The following NR3C1 variants were observed in gnomAD, a reference collection of about 807,000 sequenced individuals.
NR3C1 encodes the protein glucocorticoid receptor.
Under a neutral mutation model 74.0 loss-of-function variants are expected in NR3C1, and 14 were observed. That is an observed-to-expected ratio of 0.19 (90% CI 0.12 to 0.30). The LOEUF (loss-of-function observed/expected upper bound fraction) is 0.30, where lower values mean the gene tolerates loss of function less well. Among genes scored for constraint, NR3C1 ranks in the 10% least tolerant of loss-of-function variants. The pLI, the probability that NR3C1 is intolerant of heterozygous loss-of-function variation, is 1.00. For synonymous variants in NR3C1, 308 were observed against 332.5 expected (o/e 0.93, Z 0.80); for missense variants, 695 against 909.8 (o/e 0.76, Z 3.04).
At chr5:143,367,689 C>T (rs979234048) in intron 2 of NR3C1, among the ~76,000 whole-genome samples, 22 of 151,958 alleles carry the variant, frequency 1.4e-4, no homozygotes, top group Admixed American at 7.9e-4. Context: ...TAAATTTAAT[C>T]GAAGTACAAG....
chr5:143,373,767 T>C (rs529430928), intron 2 of NR3C1, among the ~76,000 whole-genome samples: 7 of 152,212 alleles, frequency 4.6e-5, no homozygotes, highest in African/African-American at 9.6e-5. Flanking sequence ...AGTATAGTCC[T>C]GCAGATGGGA....
rs753933987 is a variant in NR3C1, at chr5:143,393,334, T to A, written c.1184+6322A>T. On this transcript the variant is annotated intron_variant, in intron 2 of 8. Coordinates refer to ENST00000394464, the MANE Select transcript of NR3C1 (RefSeq NM_000176.3). ...TCATCAAATTGACGGGTTAAAAGGA[T>A]TGTGGAATTTTAGAAACACACACAC... 1.3e-5 allele frequency among the ~76,000 whole-genome samples: 2 copies of A among 152,152 alleles called. 1 individual carries two copies. Among genetic ancestry groups the A allele is most frequent in the Non-Finnish European group, 2.9e-5 (2 of 68,004 alleles).
rs1354882725 is a variant in NR3C1, at chr5:143,403,537, G to C, written c.-340C>G. On this transcript the variant is annotated 5_prime_UTR_variant, in exon 1 of 9. Coordinates refer to ENST00000394464, the MANE Select transcript of NR3C1 (RefSeq NM_000176.3). ...CCTTCCACCCACAGAATCCGTCCCC[G>C]ACGGGCAGGCGGTGACTCGGGCTCC... The C allele has an allele frequency of 3.0e-6, 3 of 985,480 alleles. No homozygotes were observed. Among genetic ancestry groups the C allele is most frequent in the Non-Finnish European group, 3.6e-6 (3 of 830,162 alleles). The allele number at this position is 985,480 out of a possible 1,614,324, so 61.0% of individuals were successfully genotyped here. A position where few individuals can be genotyped will look rare whatever the true frequency, so the allele number is the denominator to read the frequency against.
At position 143,387,679 on chromosome 5, in the gene NR3C1, G is replaced by A. The variant is rs553299146; in HGVS notation, c.1184+11977C>T. On this transcript the variant is annotated intron_variant, in intron 2 of 8. Transcript: ENST00000394464. ...TTAACTTGCATTTTCTCTTTTCTGCGACTGTCATTGCCATATTAGGTTGAA... is the reference window on the plus strand; with the variant it reads ...TTAACTTGCATTTTCTCTTTTCTGCAACTGTCATTGCCATATTAGGTTGAA... Among the ~76,000 whole-genome samples the A allele has an allele frequency of 6.6e-5, 10 of 152,038 alleles. No individual in the cohort carries two copies. The East Asian group carries it at 1.7e-3, about 26-fold the overall frequency.
At chr5:143,386,925 A>G (rs572818539) in intron 2 of NR3C1, among the ~76,000 whole-genome samples, 36 of 152,358 alleles carry the variant, frequency 2.4e-4, no homozygotes, top group Admixed American at 4.6e-4. Flanking sequence ...GGTACAAAGA[A>G]GGAGAACCAC....
chr5:143,392,220 C>G (rs577030988), intron 2 of NR3C1, among the ~76,000 whole-genome samples: 1 of 152,286 alleles, frequency 6.6e-6, no homozygotes, highest in African/African-American at 2.4e-5. Flanking sequence ...CCGCCTCGGC[C>G]TCCCAAAGTG....
intron 4 of NR3C1, among the ~76,000 whole-genome samples, chr5:143,301,286 T>C (rs888454163): frequency 6.6e-6 from 1 of 152,144 alleles, no homozygotes; most frequent in African/African-American, 2.4e-5. Context: ...CTTATAAAGA[T>C]AGGAAGATGA....
rs141017035 is a variant in NR3C1 at position 143,298,539 on chromosome 5, T to G, written c.1892+129A>C. On this transcript the variant is annotated intron_variant, in intron 6 of 8. Coordinates refer to ENST00000394464, the MANE Select transcript of NR3C1 (RefSeq NM_000176.3). ...AGCACTCATAACTCTATTTCCAGTT[T>G]GCCTAGATCCTAGATACCTAGTAGG... 305 of 948,282 alleles carry G rather than the reference T, an allele frequency of 3.2e-4. 5 individuals are homozygous for G. The East Asian group carries it at 7.9e-3, about 25-fold the overall frequency. The allele number at this position is 948,282 out of a possible 1,614,324, so 58.7% of individuals were successfully genotyped here.
Position 143,280,905 on chromosome 5 carries a change from G to A in NR3C1, c.*984C>T, listed in dbSNP as rs796144066. On this transcript the variant is annotated 3_prime_UTR_variant, in exon 9 of 9. Transcript: ENST00000394464. Reference sequence around the variant, plus strand: ...TTCAAAAGGTCCTGAAAGACAAATAGTTTACCAGCTTTCTTGCCATATAGC... The same window carrying A: ...TTCAAAAGGTCCTGAAAGACAAATAATTTACCAGCTTTCTTGCCATATAGC... The A allele has an allele frequency of 1.7e-4, 26 of 152,268 alleles. No individual in the cohort carries two copies. The highest frequency in any genetic ancestry group is 5.8e-4 in the African/African-American group (24 of 41,572). 9.4% of individuals were successfully genotyped at this position (152,268 alleles called of 1,614,324 possible).
At chr5:143,309,097 C>T (rs1446014289) in intron 4 of NR3C1, among the ~76,000 whole-genome samples, 6 of 135,960 alleles carry the variant, frequency 4.4e-5, no homozygotes, top group African/African-American at 8.2e-5. Flanking sequence ...TTTTCCAAGA[C>T]GGAGTCTTGC....
At chr5:143,335,946 T>G (rs1827040680) in intron 2 of NR3C1, among the ~76,000 whole-genome samples, 1 of 152,220 alleles carries the variant, frequency 6.6e-6, no homozygotes, top group South Asian at 2.1e-4. Flanking sequence ...CCAGGAAAAG[T>G]AGGCAAAACA....
intron 4 of NR3C1, among the ~76,000 whole-genome samples, chr5:143,302,959 G>A (rs1471540386): frequency 6.6e-6 from 1 of 151,934 alleles, no homozygotes; most frequent in Admixed American, 6.6e-5. Flanking sequence ...TGAAAGTAGA[G>A]AAATCTTAAT....
intron 2 of NR3C1, among the ~76,000 whole-genome samples, chr5:143,371,707 T>G (rs547466492): frequency 6.6e-6 from 1 of 152,372 alleles, no homozygotes. Flanking sequence ...AAAGCAGTGG[T>G]AGATGATACC....
In NR3C1 at chr5:143,398,171, G is replaced by A. The variant is rs542236512; in HGVS notation, c.1184+1485C>T. ...TTGCAATTGAAAATTTTAAAACACAGCATGTCTTTTAGCATTTAAAACACA... is the reference window on the plus strand; with the variant it reads ...TTGCAATTGAAAATTTTAAAACACAACATGTCTTTTAGCATTTAAAACACA... On this transcript the variant is annotated intron_variant, in intron 2 of 8. Transcript: ENST00000394464. Among the ~76,000 whole-genome samples the A allele has an allele frequency of 1.1e-4, 16 of 151,976 alleles. 1 individual carries two copies. The East Asian group carries it at 1.7e-3, about 16-fold the overall frequency.
Position 143,399,996 on chromosome 5 carries a change from C to A in NR3C1, c.844G>T (p.Asp282Tyr). 6.2e-7 allele frequency: 1 copy of A among 1,614,172 alleles called. No individual in the cohort carries two copies. The highest frequency in any genetic ancestry group is 8.5e-7 in the Non-Finnish European group (1 of 1,180,030). The change falls in exon 2 of 9, where the codon GAT (aspartate) becomes TAT (tyrosine). Residue 282 changes from aspartate to tyrosine, a missense_variant. Asp to Tyr is a radical substitution (Grantham distance 160). Around this residue, in one of 4 missense-constraint regions of NR3C1, gnomAD observed 497 missense variants for 489.5 expected, o/e 1.02. Coordinates refer to ENST00000394464, the MANE Select transcript of NR3C1 (RefSeq NM_000176.3). ...TLPQVKTEKE[D>Y]FIELCTPGVI... ...CCAGGGGTGCAGAGTTCGATGAAAT[C>A]TTCTTTTTCTGTTTTCACTTGGGGC...
In NR3C1 at chr5:143,385,868, T is replaced by C. The variant is rs10055444; in HGVS notation, c.1184+13788A>G. 5.4e-3 allele frequency among the ~76,000 whole-genome samples: 822 copies of C among 152,376 alleles called. 5 individuals are homozygous for C. The highest frequency in any genetic ancestry group is 0.022 in the East Asian group (115 of 5,196). On this transcript the variant is annotated intron_variant, in intron 2 of 8. Transcript: ENST00000394464. Reference sequence around the variant, plus strand: ...TCTGCCCATTATCCAGTTACAAAGTTGCTTCCGCATTTTCATGTATCTTTA... The same window carrying C: ...TCTGCCCATTATCCAGTTACAAAGTCGCTTCCGCATTTTCATGTATCTTTA...
intron 6 of NR3C1, among the ~76,000 whole-genome samples, chr5:143,296,439 T>C (rs534964826): frequency 1.3e-5 from 2 of 152,318 alleles, no homozygotes; most frequent in South Asian, 2.1e-4. Context: ...AAATTTAAAA[T>C]CTGCTCTTAC....
chr5:143,350,156 G>A (rs1037756807), intron 2 of NR3C1, among the ~76,000 whole-genome samples: 2 of 152,110 alleles, frequency 1.3e-5, no homozygotes, highest in African/African-American at 4.8e-5. Context: ...AGGACAGTGA[G>A]AACCCTAGGG....
intron 1 of NR3C1, among the ~76,000 whole-genome samples, chr5:143,433,460 A>ATATATAATTTATTTATTTAATT (rs1413693943): frequency 2.1e-5 from 3 of 146,006 alleles, no homozygotes; most frequent in Non-Finnish European, 4.5e-5. Flanking sequence ...AATTATATAT[A>ATATATAATTTATTTATTTAATT]TATATATATA....
Sources: allele counts gnomAD v4.1 joint callset (sites outside exome capture counted in the v4.1 genomes callset), GRCh38; gene constraint gnomAD v4.1.1; regional missense constraint gnomAD v4.1.1; transcripts MANE v1.5; gene names NCBI Gene and HGNC (gene_info 2026-07-23, HGNC 2026-07-21).